Variants in MS4A4E observed in about 807,000 individuals in gnomAD.
MS4A4E encodes putative membrane-spanning 4-domains subfamily A member 4E.
In MS4A4E, 23 loss-of-function variants were observed where a neutral mutation model predicts 13.3. The ratio of observed to expected loss-of-function variants is 1.73; its 90% confidence interval spans 1.25 to 2.45. The LOEUF (loss-of-function observed/expected upper bound fraction) is 2.45. Among genes scored for constraint, MS4A4E ranks in the 30% most tolerant of loss-of-function variants. The pLI is 0.00. For missense variants in MS4A4E, 144 were observed against 131.2 expected (o/e 1.10, Z -0.48); for synonymous variants, 36 against 45.6 (o/e 0.79, Z 0.85).
intron 1 of MS4A4E, among the ~76,000 whole-genome samples, chr11:60,241,000 T>A (rs1029858842): frequency 1.2e-4 from 4 of 34,614 alleles, no homozygotes; most frequent in African/African-American, 3.9e-4. Context: ...GTGTACTTTT[T>A]ATTTATTTAT....
In MS4A4E at chr11:60,236,446, TC is replaced by T. The variant is rs1226926231; in HGVS notation, c.-16-6376del. Among the ~76,000 whole-genome samples the T allele has an allele frequency of 6.6e-5, 10 of 152,228 alleles. No homozygotes were observed. The East Asian group carries it at 1.9e-3, about 29-fold the overall frequency. On this transcript the variant is annotated intron_variant, in intron 1 of 8. Coordinates refer to ENST00000651255, the MANE Select transcript of MS4A4E (RefSeq NM_001393391.1). ...CCAGTTCCTGAATATGAGTTTTTTT[TC>T]ATTTGTTTAAATTTTCTTTAATTTC...
chr11:60,212,206 C>T (rs1478365584), intron 5 of MS4A4E, among the ~76,000 whole-genome samples: 3 of 151,884 alleles, frequency 2.0e-5, no homozygotes, highest in Admixed American at 6.6e-5. Context: ...AAGTGGTTAA[C>T]GTTGCAAGAA....
intron 5 of MS4A4E, among the ~76,000 whole-genome samples, 37 bp downstream of exon 5, chr11:60,212,937 T>A (rs1266680803): frequency 2.0e-5 from 3 of 152,208 alleles, no homozygotes; most frequent in Admixed American, 2.0e-4. Flanking sequence ...TAAACTTGCT[T>A]CTATGATAAT....
At chr11:60,232,608 A>T in intron 1 of MS4A4E, among the ~76,000 whole-genome samples, 1 of 152,076 alleles carries the variant, frequency 6.6e-6, no homozygotes, top group African/African-American at 2.4e-5. Flanking sequence ...GAGTCTTTAC[A>T]GGCTCTGAGC....
At chr11:60,242,563 CA>C (rs1371718973) in intron 1 of MS4A4E, among the ~76,000 whole-genome samples, 4 of 152,174 alleles carry the variant, frequency 2.6e-5, no homozygotes, top group African/African-American at 9.7e-5. Context: ...TAAAAATAAC[CA>C]GTCAGAGACA....
intron 3 of MS4A4E, among the ~76,000 whole-genome samples, chr11:60,221,951 C>T (rs1325071173): frequency 6.6e-6 from 1 of 152,124 alleles, no homozygotes; most frequent in Admixed American, 6.5e-5. Flanking sequence ...CCAATGAGTC[C>T]ATGAACGAAG....
At chr11:60,232,465 C>T (rs774668541) in intron 1 of MS4A4E, among the ~76,000 whole-genome samples, 4 of 152,206 alleles carry the variant, frequency 2.6e-5, no homozygotes, top group African/African-American at 7.2e-5. Flanking sequence ...TTTCTTCCAT[C>T]ACCCCTTCCC....
At chr11:60,210,888 G>T (rs2084112031) in intron 5 of MS4A4E, among the ~76,000 whole-genome samples, 1 of 152,238 alleles carries the variant, frequency 6.6e-6, no homozygotes, top group African/African-American at 2.4e-5. Flanking sequence ...CTCTGGGAAA[G>T]GTGATTGAGA....
In MS4A4E at chr11:60,201,519, TG is replaced by T; in HGVS notation, c.*23del. ...GCTCCTCACATCCCAGACAGGGCGGTGGGGCAAAGGCGCTCCCCACATCTCA... is the reference window on the plus strand; with the variant it reads ...GCTCCTCACATCCCAGACAGGGCGGTGGGCAAAGGCGCTCCCCACATCTCA... On this transcript the variant is annotated 3_prime_UTR_variant, in exon 9 of 9. Transcript: ENST00000651255. 1 of 246,368 alleles carries T rather than the reference TG, an allele frequency of 4.1e-6. No individual in the cohort carries two copies. 15.3% of individuals were successfully genotyped at this position (246,368 alleles called of 1,614,324 possible). A position where few individuals can be genotyped will look rare whatever the true frequency, so the allele number is the denominator to read the frequency against.
intron 1 of MS4A4E, 55 bp downstream of exon 1, chr11:60,242,903 G>T: frequency 7.4e-7 from 1 of 1,342,682 alleles, no homozygotes; most frequent in Non-Finnish European, 1.0e-6. Flanking sequence ...CTAAACCCAG[G>T]AAATGAAACA....
At chr11:60,218,331 T>C (rs2084223373) in intron 3 of MS4A4E, among the ~76,000 whole-genome samples, 1 of 152,222 alleles carries the variant, frequency 6.6e-6, no homozygotes, top group Non-Finnish European at 1.5e-5. Flanking sequence ...GATCTCGCCC[T>C]GCCTCCACTT....
In MS4A4E at chr11:60,200,739, C is replaced by A. The variant is rs2083974898; in HGVS notation, c.*804G>T. ...TCCGATTTCTCAATCTTTTCCCCAC[C>A]TTTCCCCCCTTTCTATTCCACAAAA... On this transcript the variant is annotated 3_prime_UTR_variant, in exon 9 of 9. Coordinates refer to ENST00000651255, the MANE Select transcript of MS4A4E (RefSeq NM_001393391.1). 6.6e-6 allele frequency among the ~76,000 whole-genome samples: 1 copy of A among 152,242 alleles called. No homozygotes were observed. The highest frequency in any genetic ancestry group is 1.5e-5 in the Non-Finnish European group (1 of 68,030).
intron 3 of MS4A4E, among the ~76,000 whole-genome samples, chr11:60,219,740 T>C (rs2084243776): frequency 6.6e-6 from 1 of 152,194 alleles, no homozygotes. Flanking sequence ...GGTAACTGGA[T>C]TGGGGAAAGA....
intron 1 of MS4A4E, among the ~76,000 whole-genome samples, chr11:60,232,748 A>G (rs2084428463): frequency 6.6e-6 from 1 of 152,142 alleles, no homozygotes; most frequent in Non-Finnish European, 1.5e-5. Flanking sequence ...CACTGGCTAG[A>G]GTGCATTCTG....
chr11:60,233,334 G>A (rs1025325996), intron 1 of MS4A4E, among the ~76,000 whole-genome samples: 1 of 152,156 alleles, frequency 6.6e-6, no homozygotes, highest in Non-Finnish European at 1.5e-5. Context: ...GCTCCCCAGA[G>A]CTCAAGCCTC....
intron 3 of MS4A4E, among the ~76,000 whole-genome samples, chr11:60,220,074 G>T (rs1350851576): frequency 3.9e-5 from 6 of 152,212 alleles, no homozygotes; most frequent in Non-Finnish European, 7.3e-5. Context: ...CATTAGAGCT[G>T]CCTCTACCTA....
intron 1 of MS4A4E, among the ~76,000 whole-genome samples, chr11:60,235,416 G>T (rs575329810): frequency 6.6e-6 from 1 of 152,092 alleles, no homozygotes; most frequent in African/African-American, 2.4e-5. Flanking sequence ...TTTTTAACAC[G>T]GACAAAGTAA....
chr11:60,241,340 G>T (rs891225101), intron 1 of MS4A4E, among the ~76,000 whole-genome samples: 1 of 151,980 alleles, frequency 6.6e-6, no homozygotes, highest in Non-Finnish European at 1.5e-5. Context: ...TTAATGTAAG[G>T]GAAACTCGGC....
intron 3 of MS4A4E, among the ~76,000 whole-genome samples, chr11:60,224,698 C>G (rs1474676580): frequency 1.3e-5 from 2 of 152,172 alleles, no homozygotes; most frequent in Non-Finnish European, 2.9e-5. Context: ...TCAGTGCTTT[C>G]ATTGCTTAAG....
Sources: allele counts gnomAD v4.1 joint callset (sites outside exome capture counted in the v4.1 genomes callset), GRCh38; gene constraint gnomAD v4.1.1; transcripts MANE v1.5; gene names NCBI Gene and HGNC (gene_info 2026-07-23, HGNC 2026-07-21).